Variants in RIT2 observed in about 807,000 individuals in gnomAD.
The protein encoded by RIT2 is GTP-binding protein Rit2.
Under a neutral mutation model 23.7 loss-of-function variants are expected in RIT2, and 24 were observed. The observed-to-expected ratio is 1.01, with a 90% CI of 0.73 to 1.43. The LOEUF (loss-of-function observed/expected upper bound fraction) is 1.43. Ranked by LOEUF, RIT2 falls within the 40% of genes most tolerant of loss-of-function variation. The pLI is 0.00. For synonymous variants in RIT2, 107 were observed against 91.1 expected, an observed-to-expected ratio of 1.17 and a Z score of -0.99; for missense variants, 236 against 266.9, an observed-to-expected ratio of 0.88 and a Z score of 0.81.
chr18:42,952,294 C>T (rs1909869721), intron 3 of RIT2, among the ~76,000 whole-genome samples: 1 of 152,018 alleles, frequency 6.6e-6, no homozygotes, highest in Non-Finnish European at 1.5e-5. Flanking sequence ...GAACAAATAC[C>T]ATATGATACC....
At chr18:43,038,178 C>T (rs1912027603) in intron 1 of RIT2, among the ~76,000 whole-genome samples, 1 of 130,320 alleles carries the variant, frequency 7.7e-6, no homozygotes, top group African/African-American at 2.8e-5. Flanking sequence ...GCACTCCAGC[C>T]TGGGCGACAG....
At chr18:43,016,866 C>T (rs1008743413) in intron 2 of RIT2, among the ~76,000 whole-genome samples, 6 of 151,884 alleles carry the variant, frequency 4.0e-5, no homozygotes, top group Non-Finnish European at 8.8e-5. Context: ...ATGTTGTCCT[C>T]CTTAGTCACC....
chr18:42,989,111 T>C (rs1182545901), intron 2 of RIT2, among the ~76,000 whole-genome samples: 2 of 152,212 alleles, frequency 1.3e-5, no homozygotes, highest in South Asian at 2.1e-4. Flanking sequence ...CTTTGTGAAG[T>C]TGGACAATCC....
At chr18:42,824,393 A>T (rs559745494) in intron 4 of RIT2, among the ~76,000 whole-genome samples, 1 of 152,056 alleles carries the variant, frequency 6.6e-6, no homozygotes, top group Non-Finnish European at 1.5e-5. Context: ...TTTCATTACC[A>T]CTGTCCATTC....
At chr18:42,900,376 A>C (rs957661975) in intron 4 of RIT2, among the ~76,000 whole-genome samples, 1 of 152,114 alleles carries the variant, frequency 6.6e-6, no homozygotes, top group African/African-American at 2.4e-5. Flanking sequence ...TTATTAGTCC[A>C]TGCCATGACA....
intron 1 of RIT2, among the ~76,000 whole-genome samples, chr18:43,072,763 A>G (rs1441470811): frequency 6.6e-6 from 1 of 152,044 alleles, no homozygotes; most frequent in African/African-American, 2.4e-5. Context: ...AACTTCCCAC[A>G]TCTTGCAAGG....
intron 1 of RIT2, among the ~76,000 whole-genome samples, chr18:43,076,131 G>T (rs1390666859): frequency 6.6e-6 from 1 of 152,030 alleles, no homozygotes; most frequent in Non-Finnish European, 1.5e-5. Context: ...TTATACTGTG[G>T]TACTTACAGC....
chr18:42,892,248 G>A (rs532307251), intron 4 of RIT2, among the ~76,000 whole-genome samples: 9 of 152,186 alleles, frequency 5.9e-5, no homozygotes, highest in African/African-American at 9.6e-5. Flanking sequence ...CCTTTGCACT[G>A]TTAAAAAACC....
intron 4 of RIT2, among the ~76,000 whole-genome samples, chr18:42,892,732 TA>T (rs1276804251): frequency 6.6e-6 from 1 of 152,162 alleles, no homozygotes; most frequent in Non-Finnish European, 1.5e-5. Flanking sequence ...TTCTTTGAGA[TA>T]AAAATGTGTA....
chr18:42,919,401 T>C (rs1277010635), intron 4 of RIT2, among the ~76,000 whole-genome samples: 2 of 151,992 alleles, frequency 1.3e-5, no homozygotes, highest in Admixed American at 6.6e-5. Context: ...GGTTTGTCTA[T>C]CTTCAGGATA....
intron 4 of RIT2, among the ~76,000 whole-genome samples, chr18:42,784,251 G>A (rs923849652): frequency 4.2e-5 from 6 of 143,590 alleles, no homozygotes; most frequent in African/African-American, 1.3e-4. Context: ...TCTAGTCTTC[G>A]TTCATCTCTC....
At chr18:43,079,416 AG>A (rs1361014858) in intron 1 of RIT2, among the ~76,000 whole-genome samples, 1 of 152,228 alleles carries the variant, frequency 6.6e-6, no homozygotes, top group Non-Finnish European at 1.5e-5. Flanking sequence ...TTTTGTGGCC[AG>A]GTGACTGGAA....
intron 1 of RIT2, among the ~76,000 whole-genome samples, chr18:43,066,053 C>G (rs1296617400): frequency 1.3e-5 from 2 of 151,988 alleles, no homozygotes; most frequent in African/African-American, 4.8e-5. Context: ...CATGGATTTC[C>G]AAAAATTATT....
At chr18:42,798,025 T>C (rs1484178944) in intron 4 of RIT2, among the ~76,000 whole-genome samples, 1 of 152,242 alleles carries the variant, frequency 6.6e-6, no homozygotes, top group Non-Finnish European at 1.5e-5. Flanking sequence ...TTCTAGATCA[T>C]GAAGCTTAAC....
At chr18:42,861,556 T>C (rs1907328668) in intron 4 of RIT2, among the ~76,000 whole-genome samples, 1 of 152,240 alleles carries the variant, frequency 6.6e-6, no homozygotes, top group Non-Finnish European at 1.5e-5. Context: ...GGAGGCAAGC[T>C]GGTTCTCAAT....
intron 1 of RIT2, among the ~76,000 whole-genome samples, chr18:43,036,874 ATCTC>A (rs1450974459): frequency 6.6e-6 from 1 of 152,178 alleles, no homozygotes; most frequent in Non-Finnish European, 1.5e-5. Context: ...TTTTTGAAAA[ATCTC>A]TCCTAAGTAC....
rs771385813 is a variant in RIT2, at chr18:42,743,684, A to T, written c.463T>A (p.Tyr155Asn). ...TEEGLSLAQE[Y>N]NCGFFETSAA... The stretch of plus-strand genomic sequence containing the variant: ...GAGGTCTCAAAAAAACCACAATTAT[A>T]TTCTTGGGCAAGACTCAAGCCTTCT... Residue 155 changes from tyrosine (Y) to asparagine (N), a missense_variant, in exon 5 of 5, where the codon TAT becomes AAT. By Grantham distance (143) the Tyr-to-Asn change is moderately radical. Transcript: ENST00000326695. 3 of 1,613,770 alleles carry T rather than the reference A, an allele frequency of 1.9e-6. No homozygotes were observed. The highest frequency in any genetic ancestry group is 2.5e-6 in the Non-Finnish European group (3 of 1,179,908).
intron 4 of RIT2, among the ~76,000 whole-genome samples, chr18:42,902,344 T>G (rs1908497944): frequency 6.6e-6 from 1 of 151,620 alleles, no homozygotes; most frequent in Admixed American, 6.6e-5. Flanking sequence ...ATTGGTATGC[T>G]GTAAAACCCT....
At chr18:42,745,698 G>A (rs1462386175) in intron 4 of RIT2, among the ~76,000 whole-genome samples, 1 of 151,990 alleles carries the variant, frequency 6.6e-6, no homozygotes, top group African/African-American at 2.4e-5. Flanking sequence ...GCCAGCAATT[G>A]AGCAAAGTTA....
Sources: allele counts gnomAD v4.1 joint callset (sites outside exome capture counted in the v4.1 genomes callset), GRCh38; gene constraint gnomAD v4.1.1; transcripts MANE v1.5; gene names NCBI Gene and HGNC (gene_info 2026-07-23, HGNC 2026-07-21).